DMD: variants seen among roughly 807,000 people sequenced by gnomAD.
DMD encodes mutant dystrophin.
A neutral mutation model predicts 330.1 loss-of-function variants in DMD; 63 were observed. That is an observed-to-expected ratio of 0.19 (90% CI 0.16 to 0.24). The LOEUF (loss-of-function observed/expected upper bound fraction) is 0.24. Among genes scored for constraint, DMD ranks in the 10% least tolerant of loss-of-function variants. DMD has a pLI of 1.00. For missense variants in DMD, 3,344 were observed against 2,684.1 expected, an observed-to-expected ratio of 1.25 and a Z score of -5.43; for synonymous variants, 1,223 against 959.8, an observed-to-expected ratio of 1.27 and a Z score of -5.07.
At chrX:33,008,215 G>A (rs1368082246) in intron 2 of DMD, among the ~76,000 whole-genome samples, 2 of 111,292 alleles carry the variant, frequency 1.8e-5, no homozygotes, top group Admixed American at 1.9e-4. Flanking sequence ...ATACAAATAA[G>A]CAAAGCCCTT....
chrX:32,738,968 GA>G (rs1335663765), intron 7 of DMD, among the ~76,000 whole-genome samples: 1 of 111,625 alleles, frequency 9.0e-6, no homozygotes, highest in East Asian at 2.8e-4. Flanking sequence ...GGAGAAAATG[GA>G]TATTAAGAAA....
intron 60 of DMD, among the ~76,000 whole-genome samples, chrX:31,441,570 C>T (rs768209585): frequency 8.0e-5 from 9 of 111,956 alleles, no homozygotes; most frequent in African/African-American, 2.9e-4. Context: ...GTTTTTATCA[C>T]GATTTAAAGA....
In DMD at chrX:32,069,830, G is replaced by A. The variant is rs149969732; in HGVS notation, c.6439-101316C>T. Among the ~76,000 whole-genome samples the A allele has an allele frequency of 4.7e-3, 529 of 111,671 alleles. 3 individuals carry two copies. The highest frequency in any genetic ancestry group is 9.4e-3 in the Middle Eastern group (2 of 212). ...CACTGTTCTTCTATATTTGACATCTGATGGGAAGACTTGGATAAGCAAAAA... is the reference window on the plus strand; with the variant it reads ...CACTGTTCTTCTATATTTGACATCTAATGGGAAGACTTGGATAAGCAAAAA... On this transcript the variant is annotated intron_variant, in intron 44 of 78. Transcript: ENST00000357033.
At chrX:32,497,985 A>AG (rs1410649201) in intron 19 of DMD, among the ~76,000 whole-genome samples, 2 of 112,192 alleles carry the variant, frequency 1.8e-5, no homozygotes, top group Non-Finnish European at 3.8e-5. Flanking sequence ...AACATTTTGT[A>AG]TTTAAATTAA....
Position 31,203,287 on chromosome X carries a change from A to AG in DMD, c.9807+673dup, listed in dbSNP as rs1386976214. 2.1e-4 allele frequency among the ~76,000 whole-genome samples: 8 copies of AG among 38,750 alleles called. No homozygotes were observed. The South Asian group carries it at 0.013, about 63-fold the overall frequency. The allele number at this position is 38,750 out of a possible 115,157, so 33.6% of individuals were successfully genotyped here. On this transcript the variant is annotated intron_variant, in intron 67 of 78. Transcript: ENST00000357033. ...ACAGAGCGAGACTGCAACTCAAAAA[A>AG]GAAAAAAAAAAAAAAAAGGAAAGAG...
chrX:32,992,912 A>AG (rs1467922560), intron 2 of DMD, among the ~76,000 whole-genome samples: 1 of 109,569 alleles, frequency 9.1e-6, no homozygotes, highest in Non-Finnish European at 1.9e-5. Flanking sequence ...GTCTCAAAAA[A>AG]AAAAAAAAAA....
chrX:32,031,672 C>A (rs933924805), intron 44 of DMD, among the ~76,000 whole-genome samples: 1 of 111,951 alleles, frequency 8.9e-6, no homozygotes, highest in Admixed American at 9.5e-5. Context: ...TATTCATTCA[C>A]GTAATCATTC....
chrX:32,319,401 T>A (rs983949257), intron 41 of DMD, among the ~76,000 whole-genome samples: 13 of 111,757 alleles, frequency 1.2e-4, no homozygotes, highest in Admixed American at 1.9e-4. Flanking sequence ...TACAGTATGT[T>A]ATCAAAAATA....
At chrX:32,451,720 T>C (rs1022628769) in intron 26 of DMD, among the ~76,000 whole-genome samples, 4 of 110,274 alleles carry the variant, frequency 3.6e-5, no homozygotes, top group African/African-American at 1.3e-4. Flanking sequence ...TAAAGAAAAA[T>C]TAGCTATCAA....
intron 1 of DMD, 118 bp from the exon 2 acceptor site, chrX:33,020,318 A>G: frequency 2.0e-6 from 1 of 494,654 alleles, no homozygotes; most frequent in Non-Finnish European, 3.4e-6. Context: ...TTAGTATTAC[A>G]TTCATTGATA....
intron 1 of DMD, among the ~76,000 whole-genome samples, chrX:33,308,113 G>A (rs1412353366): frequency 1.8e-5 from 2 of 112,347 alleles, no homozygotes; most frequent in Non-Finnish European, 3.8e-5. Flanking sequence ...TATTGTGAAT[G>A]TGCCATAAAT....
At chrX:33,037,366 A>AAG (rs570175592) in intron 1 of DMD, among the ~76,000 whole-genome samples, 7,821 of 51,016 alleles carry the variant, frequency 0.15, 697 homozygotes, top group African/African-American at 0.36. Context: ...ACTATACAGG[A>AAG]AAAAAAAAAA....
At chrX:31,744,259 TATAATA>T (rs920833861) in intron 51 of DMD, among the ~76,000 whole-genome samples, 9 of 110,574 alleles carry the variant, frequency 8.1e-5, no homozygotes, top group African/African-American at 3.0e-4. Context: ...TCATAACAAA[TATAATA>T]ATAATAATAA....
chrX:32,783,034 T>TTA (rs1297148860), intron 7 of DMD, among the ~76,000 whole-genome samples: 2 of 99,763 alleles, frequency 2.0e-5, no homozygotes, highest in Non-Finnish European at 4.0e-5. Context: ...TATGGTGTGT[T>TTA]TATATATATA....
At chrX:31,442,538 C>A (rs1460471795) in intron 60 of DMD, among the ~76,000 whole-genome samples, 2 of 103,419 alleles carry the variant, frequency 1.9e-5, no homozygotes, top group African/African-American at 7.2e-5. Flanking sequence ...GATCACTTAG[C>A]ATTGATTAAA....
At chrX:32,518,554 G>C (rs1056113179) in intron 17 of DMD, among the ~76,000 whole-genome samples, 42 of 111,171 alleles carry the variant, frequency 3.8e-4, no homozygotes, top group Non-Finnish European at 6.8e-4. Flanking sequence ...ACTGCCTCTG[G>C]GTTTGGCCAC....
intron 74 of DMD, among the ~76,000 whole-genome samples, chrX:31,152,658 T>G (rs1185654709): frequency 9.0e-6 from 1 of 111,549 alleles, no homozygotes; most frequent in Non-Finnish European, 1.9e-5. Flanking sequence ...CTCAGCCTCC[T>G]GAGTAGTTGG....
At chrX:32,450,869 A>T (rs143072398) in intron 26 of DMD, among the ~76,000 whole-genome samples, 1 of 111,157 alleles carries the variant, frequency 9.0e-6, no homozygotes, top group Non-Finnish European at 1.9e-5. Flanking sequence ...TCTTGGTTTA[A>T]TAAGAGGCTC....
At chrX:32,555,352 C>A (rs1603636255) in intron 16 of DMD, among the ~76,000 whole-genome samples, 1 of 111,472 alleles carries the variant, frequency 9.0e-6, no homozygotes, top group East Asian at 2.8e-4. Context: ...TGGGCAAAAG[C>A]TAGAAGCATT....
Sources: allele counts gnomAD v4.1 joint callset (sites outside exome capture counted in the v4.1 genomes callset), GRCh38; gene constraint gnomAD v4.1.1; transcripts MANE v1.5; gene names NCBI Gene and HGNC (gene_info 2026-07-23, HGNC 2026-07-21).